Variants in CYB5R4 observed in about 807,000 individuals in gnomAD.
CYB5R4 encodes the protein N-terminal cytochrome b5 and cytochrome b5 oxidoreductase domain-containing protein.
In CYB5R4, 55 loss-of-function variants were observed where a neutral mutation model predicts 70.2. The observed-to-expected ratio is 0.78, with a 90% CI of 0.63 to 0.98. CYB5R4 has a LOEUF of 0.98. Ranked by LOEUF, CYB5R4 falls within the 50% of genes least tolerant of loss-of-function variation. The probability of loss-of-function intolerance (pLI) is 0.00; values close to 1 mark genes in which losing one functional copy is unlikely to be tolerated. For synonymous variants in CYB5R4, 197 were observed against 199.5 expected, an observed-to-expected ratio of 0.99 and a Z score of 0.11; for missense variants, 562 against 612.6, an observed-to-expected ratio of 0.92 and a Z score of 0.87.
chr6:83,950,637 A>G (rs548117511), intron 14 of CYB5R4, among the ~76,000 whole-genome samples: 2 of 152,184 alleles, frequency 1.3e-5, no homozygotes, highest in Non-Finnish European at 2.9e-5. Flanking sequence ...CTTGGAGACC[A>G]TTAATCTTAT....
At chr6:83,927,405 A>C (rs2099467470) in intron 10 of CYB5R4, among the ~76,000 whole-genome samples, 1 of 152,124 alleles carries the variant, frequency 6.6e-6, no homozygotes, top group Non-Finnish European at 1.5e-5. Context: ...GTCCCACAAG[A>C]CTGCCCCCTA....
intron 10 of CYB5R4, among the ~76,000 whole-genome samples, chr6:83,925,723 G>A (rs1025723186): frequency 3.9e-5 from 6 of 152,084 alleles, no homozygotes; most frequent in Admixed American, 6.6e-5. Context: ...ATGATCTTCA[G>A]TTCTTGGAAA....
intron 2 of CYB5R4, among the ~76,000 whole-genome samples, chr6:83,889,366 C>T (rs2324479): frequency 2.1e-3 from 315 of 152,136 alleles, no homozygotes; most frequent in African/African-American, 7.0e-3. Context: ...TTGTTAAGGC[C>T]TAATGCAGCT....
intron 10 of CYB5R4, among the ~76,000 whole-genome samples, chr6:83,925,989 T>A (rs1348512303): frequency 6.6e-6 from 1 of 152,216 alleles, no homozygotes; most frequent in Non-Finnish European, 1.5e-5. Context: ...TTAGCTTATC[T>A]TTTAAAGAAT....
chr6:83,910,873 T>C (rs897234327), intron 4 of CYB5R4, among the ~76,000 whole-genome samples: 2 of 152,226 alleles, frequency 1.3e-5, no homozygotes, highest in African/African-American at 4.8e-5. Flanking sequence ...ATTAATACTC[T>C]GGTATTTTTA....
intron 3 of CYB5R4, among the ~76,000 whole-genome samples, chr6:83,907,722 TGTA>T (rs1326800205): frequency 1.3e-5 from 2 of 152,186 alleles, no homozygotes; most frequent in African/African-American, 4.8e-5. Flanking sequence ...AGTGAGAACA[TGTA>T]GTATTTGGTT....
At chr6:83,946,186 C>A (rs9444115) in intron 14 of CYB5R4, among the ~76,000 whole-genome samples, 10,156 of 152,198 alleles carry the variant, frequency 0.067, 1,087 homozygotes, top group African/African-American at 0.23. Context: ...AAAATACTTG[C>A]AAACTGAATC....
chr6:83,940,346 T>G, intron 13 of CYB5R4, 140 bp downstream of exon 13: 1 of 1,090,146 alleles, frequency 9.2e-7, no homozygotes, highest in Non-Finnish European at 1.3e-6. Context: ...CCTCCTCTAA[T>G]CCTAGCTATT....
At chr6:83,951,066 C>T (rs1408421773) in intron 14 of CYB5R4, among the ~76,000 whole-genome samples, 2 of 140,146 alleles carry the variant, frequency 1.4e-5, no homozygotes, top group African/African-American at 3.3e-5. Context: ...CACAGGAGAG[C>T]CCCCCTACAA....
At chr6:83,919,329 A>T in intron 6 of CYB5R4, 68 bp from the exon 7 acceptor site, 2 of 855,788 alleles carry the variant, frequency 2.3e-6, no homozygotes, top group South Asian at 3.5e-5. Flanking sequence ...TAAACATTTA[A>T]TGATTAATAT....
intron 9 of CYB5R4, among the ~76,000 whole-genome samples, chr6:83,922,702 T>A (rs2099466587): frequency 1.3e-5 from 2 of 151,350 alleles, no homozygotes; most frequent in South Asian, 4.2e-4. Flanking sequence ...GTCATGGGGG[T>A]TTGTTGTACA....
At chr6:83,920,250 A>G (rs889144867) in intron 7 of CYB5R4, among the ~76,000 whole-genome samples, 2 of 152,182 alleles carry the variant, frequency 1.3e-5, no homozygotes, top group Admixed American at 1.3e-4. Context: ...TTGAGAATTT[A>G]TGCTACTTCT....
At chr6:83,884,054 A>G (rs2129132172) in intron 2 of CYB5R4, among the ~76,000 whole-genome samples, 1 of 152,116 alleles carries the variant, frequency 6.6e-6, no homozygotes, top group Admixed American at 6.5e-5. Flanking sequence ...GACATATAAC[A>G]GAAAACTTGG....
intron 14 of CYB5R4, among the ~76,000 whole-genome samples, chr6:83,945,546 G>A (rs915188138): frequency 1.3e-5 from 2 of 152,076 alleles, no homozygotes; most frequent in Non-Finnish European, 2.9e-5. Flanking sequence ...TCAAAAGCTA[G>A]CAGAAGACAA....
chr6:83,940,554 T>C lies in CYB5R4; in HGVS notation c.1299T>C (p.Asp433=). ...KLMFFNKTED[D]IIWRSQLEKL... ...TGTTCTTCAATAAAACAGAAGATGATATAATTTGGAGAAGCCAATTGGAGA... is the reference window on the plus strand; with the variant it reads ...TGTTCTTCAATAAAACAGAAGATGACATAATTTGGAGAAGCCAATTGGAGA... Residue 433 remains aspartate, a synonymous_variant, in exon 14 of 16, where the codon GAT becomes GAC. Transcript: ENST00000369681. 1 of 1,599,012 alleles carries C rather than the reference T, an allele frequency of 6.3e-7. No homozygotes were observed.
chr6:83,924,357 C>T (rs944258516), intron 9 of CYB5R4, 113 bp from the exon 10 acceptor site: 1 of 997,368 alleles, frequency 1.0e-6, no homozygotes, highest in African/African-American at 1.6e-5. Flanking sequence ...CACTAATAAT[C>T]AGTACCATTC....
At chr6:83,946,172 C>G (rs2099470583) in intron 14 of CYB5R4, among the ~76,000 whole-genome samples, 1 of 152,194 alleles carries the variant, frequency 6.6e-6, no homozygotes, top group African/African-American at 2.4e-5. Flanking sequence ...CAAAAATCCT[C>G]AATAAAATAC....
intron 2 of CYB5R4, among the ~76,000 whole-genome samples, chr6:83,883,615 A>G (rs188155743): frequency 1.3e-5 from 2 of 152,332 alleles, no homozygotes; most frequent in African/African-American, 4.8e-5. Flanking sequence ...CCAAAACTGG[A>G]AATTTATTAC....
rs976443207 is a variant in CYB5R4 at position 83,966,422 on chromosome 6, T to A, written c.*6544T>A. ...AAATAAAAAGGAGGCCTGTGTGCGG[T>A]GGCTCATGCCTGTAATCCCAGCACT... On this transcript the variant is annotated 3_prime_UTR_variant, in exon 16 of 16. Transcript: ENST00000369681. The A allele has an allele frequency of 7.2e-5, 11 of 152,298 alleles. No individual in the cohort carries two copies. The highest frequency in any genetic ancestry group is 7.2e-4 in the Admixed American group (11 of 15,300). 9.4% of individuals were successfully genotyped at this position (152,298 alleles called of 1,614,324 possible). A position where few individuals can be genotyped will look rare whatever the true frequency, so the allele number is the denominator to read the frequency against.
Sources: gnomAD v4.1 joint callset for allele counts (sites outside exome capture counted in the v4.1 genomes callset) on GRCh38, gnomAD v4.1.1 for gene constraint, MANE v1.5 for transcripts, NCBI Gene and HGNC (gene_info 2026-07-23, HGNC 2026-07-21) for gene names.